Variants in SPIRE1 observed in about 807,000 individuals in gnomAD.
The protein encoded by SPIRE1 is spire type actin nucleation factor 1.
A neutral mutation model predicts 94.1 loss-of-function variants in SPIRE1; 40 were observed. The observed-to-expected ratio is 0.43, with a 90% CI of 0.33 to 0.55. The LOEUF (loss-of-function observed/expected upper bound fraction) is 0.55. Among genes scored for constraint, SPIRE1 ranks in the 20% least tolerant of loss-of-function variants. The probability of loss-of-function intolerance (pLI) is 0.06; values close to 1 mark genes in which losing one functional copy is unlikely to be tolerated. For missense variants in SPIRE1, 838 were observed against 975.2 expected (o/e 0.86, Z 1.87); for synonymous variants, 376 against 371.7 (o/e 1.01, Z -0.13).
At chr18:12,566,034 AC>A (rs200955307) in intron 2 of SPIRE1, among the ~76,000 whole-genome samples, 14 of 150,436 alleles carry the variant, frequency 9.3e-5, no homozygotes, top group African/African-American at 2.5e-4. Flanking sequence ...AAACAAACAA[AC>A]AAAAAAAAAA....
upstream of SPIRE1, among the ~76,000 whole-genome samples, chr18:12,660,570 C>T (rs2038676534): frequency 6.6e-6 from 1 of 152,116 alleles, no homozygotes; most frequent in African/African-American, 2.4e-5. Context: ...GTCCACCCGC[C>T]TCAGCCTCCA....
intron 10 of SPIRE1, among the ~76,000 whole-genome samples, chr18:12,475,902 G>T (rs2032552054): frequency 6.6e-6 from 1 of 152,220 alleles, no homozygotes. Flanking sequence ...GCCTAGGGCA[G>T]GTGCCACATG....
At chr18:12,585,065 A>G (rs1310825564) in intron 2 of SPIRE1, among the ~76,000 whole-genome samples, 1 of 152,160 alleles carries the variant, frequency 6.6e-6, no homozygotes, top group Non-Finnish European at 1.5e-5. Context: ...CGGCTTCCCA[A>G]AGTGCTGGGA....
At chr18:12,452,628 T>C in intron 14 of SPIRE1, 116 bp from the exon 15 acceptor site, 1 of 1,028,848 alleles carries the variant, frequency 9.7e-7, no homozygotes, top group Non-Finnish European at 1.5e-6. Flanking sequence ...TAACTCTCCC[T>C]TCTTCTATTA....
intron 6 of SPIRE1, among the ~76,000 whole-genome samples, chr18:12,504,904 G>A (rs528135267): frequency 3.3e-5 from 5 of 152,158 alleles, no homozygotes; most frequent in Non-Finnish European, 7.3e-5. Context: ...CAAGGCAAAG[G>A]CTCTGTTACA....
At chr18:12,615,345 A>AAAAATAT in intron 2 of SPIRE1, among the ~76,000 whole-genome samples, 21 of 17,232 alleles carry the variant, frequency 1.2e-3, no homozygotes, top group Non-Finnish European at 3.0e-3. Context: ...AAAAAAAAAA[A>AAAAATAT]ATATATATAT....
Position 12,459,899 on chromosome 18 carries a change from C to T in SPIRE1, c.1638+3452G>A, listed in dbSNP as rs142414314. The T allele has an allele frequency of 1.1e-5, 11 of 985,826 alleles. No individual in the cohort carries two copies. The African/African-American group carries it at 1.9e-4, about 17-fold the overall frequency. The allele number at this position is 985,826 out of a possible 1,614,324, so 61.1% of individuals were successfully genotyped here. On this transcript the variant is annotated intron_variant, in intron 12 of 16. Transcript: ENST00000409402. ...TAGAAAAAAGTGGTCGAAAAGGCGT[C>T]CTTGGCCATACACTGGTTATCCTAG...
chr18:12,501,150 T>C (rs73403761), intron 6 of SPIRE1, among the ~76,000 whole-genome samples: 3 of 148,764 alleles, frequency 2.0e-5, no homozygotes, highest in African/African-American at 7.4e-5. Flanking sequence ...TGAATGAACC[T>C]TGAAACATTA....
chr18:12,580,152 T>C (rs1026594468), intron 2 of SPIRE1, among the ~76,000 whole-genome samples: 14 of 152,312 alleles, frequency 9.2e-5, no homozygotes, highest in African/African-American at 3.4e-4. Context: ...TTGGTAAAGA[T>C]GCAGGCAGGT....
chr18:12,526,056 T>TACACAGACACACACACACACACAC (rs2034511678), intron 4 of SPIRE1, among the ~76,000 whole-genome samples: 1 of 122,584 alleles, frequency 8.2e-6, no homozygotes, highest in Non-Finnish European at 1.7e-5. Flanking sequence ...ATACTGAAGA[T>TACACAGACACACACACACACACAC]ACACACACAC....
intron 6 of SPIRE1, among the ~76,000 whole-genome samples, chr18:12,496,730 G>A (rs1434068667): frequency 5.3e-5 from 8 of 152,156 alleles, no homozygotes; most frequent in Admixed American, 6.5e-5. Context: ...TTAGCCGGGC[G>A]TGGTGGCGGG....
chr18:12,556,104 G>A (rs935051655), intron 2 of SPIRE1, among the ~76,000 whole-genome samples: 3 of 151,898 alleles, frequency 2.0e-5, no homozygotes, highest in Non-Finnish European at 4.4e-5. Context: ...AGGAATTAAA[G>A]TGAAAGGTCT....
At chr18:12,638,759 A>G (rs558548830) in intron 1 of SPIRE1, among the ~76,000 whole-genome samples, 5 of 152,250 alleles carry the variant, frequency 3.3e-5, no homozygotes, top group African/African-American at 1.2e-4. Flanking sequence ...CTGTCCTGTG[A>G]TAGCGAGTTA....
At position 12,454,458 on chromosome 18, in the gene SPIRE1, C is replaced by A. The variant is rs2031407628; in HGVS notation, c.1664G>T (p.Cys555Phe). 6.2e-7 allele frequency: 1 copy of A among 1,613,836 alleles called. No individual in the cohort carries two copies. The highest frequency in any genetic ancestry group is 8.5e-7 in the Non-Finnish European group (1 of 1,179,962). The change falls in exon 13 of 17, where the codon TGC becomes TTC. Residue 555 changes from cysteine (C) to phenylalanine (F), a missense_variant. Transcript: ENST00000409402. ...SLEEFCYPVE[C>F]LALTVEEVMH... ...CACTTCTTCCACAGTAAGAGCGAGG[C>A]ATTCCACTGGGTAGCAGAATTCCTC...
chr18:12,494,141 G>A (rs1289026568), intron 7 of SPIRE1, among the ~76,000 whole-genome samples: 11 of 151,854 alleles, frequency 7.2e-5, no homozygotes, highest in African/African-American at 1.9e-4. Flanking sequence ...TTGAATTCCC[G>A]GGCCCAAGCA....
In SPIRE1 at chr18:12,454,470, T is replaced by C. The variant is rs751203620; in HGVS notation, c.1652A>G (p.Tyr551Cys). 1.2e-6 allele frequency: 2 copies of C among 1,613,636 alleles called. No individual in the cohort carries two copies. The highest frequency in any genetic ancestry group is 1.7e-5 in the Admixed American group (1 of 59,962). The change falls in exon 13 of 17, where the codon TAC becomes TGC. Residue 551 changes from tyrosine to cysteine, a missense_variant. By Grantham distance (194) the Tyr-to-Cys change is radical (BLOSUM62 -2). Around this residue, in one of 2 missense-constraint regions of SPIRE1, gnomAD observed 645 missense variants for 804.7 expected, o/e 0.80. Coordinates refer to ENST00000409402, the MANE Select transcript of SPIRE1 (RefSeq NM_001128626.2). ...QSSRSLEEFC[Y>C]PVECLALTVE... The stretch of plus-strand genomic sequence containing the variant: ...AGTAAGAGCGAGGCATTCCACTGGG[T>C]AGCAGAATTCCTCCTGAAATTCAAA...
At chr18:12,551,267 A>T (rs1270698577) in intron 2 of SPIRE1, among the ~76,000 whole-genome samples, 1 of 152,224 alleles carries the variant, frequency 6.6e-6, no homozygotes, top group Non-Finnish European at 1.5e-5. Context: ...TTCATAGCAG[A>T]TGCTAAATAA....
chr18:12,578,718 A>G (rs148328106), intron 2 of SPIRE1, among the ~76,000 whole-genome samples: 1 of 152,308 alleles, frequency 6.6e-6, no homozygotes, highest in Non-Finnish European at 1.5e-5. Flanking sequence ...CCCTGGGTCA[A>G]TCTCTTACTC....
chr18:12,618,692 A>T (rs2037379331), intron 2 of SPIRE1, among the ~76,000 whole-genome samples: 2 of 152,346 alleles, frequency 1.3e-5, no homozygotes, highest in East Asian at 3.9e-4. Context: ...GTTTCAACAC[A>T]CAAAAAAACT....
Sources: allele counts gnomAD v4.1 joint callset (sites outside exome capture counted in the v4.1 genomes callset), GRCh38; gene constraint gnomAD v4.1.1; regional missense constraint gnomAD v4.1.1; transcripts MANE v1.5; gene names NCBI Gene and HGNC (gene_info 2026-07-23, HGNC 2026-07-21).